The following PCDHGA2 variants were observed in gnomAD, a reference collection of about 807,000 sequenced individuals.
The protein encoded by PCDHGA2 is protocadherin gamma-A2.
In PCDHGA2, 40 loss-of-function variants were observed where a neutral mutation model predicts 59.2. The observed-to-expected ratio is 0.68, with a 90% confidence interval of 0.52 to 0.88. The LOEUF (loss-of-function observed/expected upper bound fraction) is 0.88. Ranked by LOEUF, PCDHGA2 falls within the 40% of genes least tolerant of loss-of-function variation. The pLI is 0.00. For missense variants in PCDHGA2, 1,226 were observed against 1,204.0 expected (o/e 1.02, Z -0.27); for synonymous variants, 560 against 526.0 (o/e 1.06, Z -0.89).
At chr5:141,344,305 A>G in intron 1 of PCDHGA2, 1 of 1,614,066 alleles carries the variant, frequency 6.2e-7, no homozygotes, top group Non-Finnish European at 8.5e-7. Flanking sequence ...GAGAGGATAG[A>G]CCGGGAGGAG....
chr5:141,466,415 C>T (rs995296505), intron 1 of PCDHGA2, among the ~76,000 whole-genome samples: 6 of 152,136 alleles, frequency 3.9e-5, no homozygotes, highest in Non-Finnish European at 8.8e-5. Context: ...ATTTTTCAGT[C>T]AGAATTGTGT....
intron 1 of PCDHGA2, among the ~76,000 whole-genome samples, chr5:141,439,259 G>A (rs1172204848): frequency 6.6e-6 from 1 of 151,900 alleles, no homozygotes; most frequent in African/African-American, 2.4e-5. Context: ...TGAAGATTCA[G>A]CCAACAGTTC....
At chr5:141,370,989 C>A in intron 1 of PCDHGA2, 2 of 1,613,982 alleles carry the variant, frequency 1.2e-6, no homozygotes, top group East Asian at 2.2e-5. Flanking sequence ...ACTGAAAGCA[C>A]CCCTGGACAG....
chr5:141,485,887 C>T lies in PCDHGA2; in HGVS notation c.2425-8920C>T. 1 of 1,614,098 alleles carries T rather than the reference C, an allele frequency of 6.2e-7. No homozygotes were observed. On this transcript the variant is annotated intron_variant, in intron 1 of 3. Transcript: ENST00000394576. The surrounding 1 kb of genome is among the most constrained non-coding windows in gnomAD (Gnocchi z 5.7). ...TATCCGTGCTGGACGTAAACGACAA[C>T]GCCCCAGCCTTCCAGCAATCCAGCT...
At chr5:141,437,887 G>A (rs1289693561) in intron 1 of PCDHGA2, among the ~76,000 whole-genome samples, 12 of 151,946 alleles carry the variant, frequency 7.9e-5, no homozygotes, top group Admixed American at 3.3e-4. Flanking sequence ...ACAGGCACAC[G>A]CCACCACACC....
At chr5:141,394,855 C>A in intron 1 of PCDHGA2, 1 of 1,613,778 alleles carries the variant, frequency 6.2e-7, no homozygotes, top group Non-Finnish European at 8.5e-7. Flanking sequence ...CTGAAGCCTT[C>A]GGTCGACCCG....
rs1410419839 is a variant in PCDHGA2 at position 141,429,391 on chromosome 5, A to ATTTT, written c.2425-65416_2425-65415insTTTT. Among the ~76,000 whole-genome samples, 380 of 151,312 alleles carry ATTTT rather than the reference A, an allele frequency of 2.5e-3. 1 individual carries two copies. The highest frequency in any genetic ancestry group is 4.2e-3 in the South Asian group (20 of 4,768). On this transcript the variant is annotated intron_variant, in intron 1 of 3. Coordinates refer to ENST00000394576, the MANE Select transcript of PCDHGA2 (RefSeq NM_018915.4). The stretch of plus-strand genomic sequence containing the variant: ...GGAGAAAATGTGTTTTTTTTTTAAA[A>ATTTT]AAAATTGAGATTAAGGTCTCATTAT...
intron 1 of PCDHGA2, chr5:141,417,227 T>G (rs2096097098): frequency 6.6e-6 from 1 of 152,172 alleles, no homozygotes; most frequent in South Asian, 2.1e-4. Flanking sequence ...ACAAAAAAAT[T>G]TGTTGCTTAT....
chr5:141,404,725 G>T, intron 1 of PCDHGA2: 1 of 1,614,098 alleles, frequency 6.2e-7, no homozygotes. Flanking sequence ...TGACCAAGGT[G>T]GTGGCAGTGG....
In PCDHGA2 at chr5:141,340,264, C is replaced by T. The variant is rs151082079; in HGVS notation, c.1293C>T (p.Ser431=). Residue 431 remains serine, a synonymous_variant, in exon 1 of 4, where the codon TCC becomes TCT. Transcript: ENST00000394576. ...TLTAKDGGNP[S]LSTDAHILLQ... ...CCGCTAAAGATGGAGGGAACCCCTC[C>T]CTGTCCACGGATGCTCACATTTTGC... The T allele has an allele frequency of 1.9e-6, 3 of 1,614,074 alleles. No homozygotes were observed. Among genetic ancestry groups the T allele is most frequent in the Non-Finnish European group, 1.7e-6 (2 of 1,180,050 alleles).
Position 141,431,585 on chromosome 5 carries a change from G to A in PCDHGA2, c.2425-63222G>A. 6.2e-7 allele frequency: 1 copy of A among 1,614,204 alleles called. No individual in the cohort carries two copies. The highest frequency in any genetic ancestry group is 1.6e-4 in the Middle Eastern group (1 of 6,062). On this transcript the variant is annotated intron_variant, in intron 1 of 3. Transcript: ENST00000394576. This position sits in a 1 kb window ranked among gnomAD's most constrained non-coding sequence, Gnocchi z 4.8. ...CGACCCTGACGAAGGAGTCAATGCG[G>A]AAGTGAGGTATTCCTTCCGGTATGT...
chr5:141,474,970 A>G (rs1309289477), intron 1 of PCDHGA2, among the ~76,000 whole-genome samples: 4 of 152,212 alleles, frequency 2.6e-5, no homozygotes, highest in African/African-American at 9.6e-5. Context: ...TAATCATTAT[A>G]ATTTTGTTTG....
Position 141,410,369 on chromosome 5 carries a change from A to T in PCDHGA2, c.2424+68974A>T, listed in dbSNP as rs754541017. Reference sequence around the variant, plus strand: ...CCTGCGACGCTCTCTCAGCCCTGCTACTTGGGACTGCTTCCATCCTGGTCT... The same window carrying T: ...CCTGCGACGCTCTCTCAGCCCTGCTTCTTGGGACTGCTTCCATCCTGGTCT... On this transcript the variant is annotated intron_variant, in intron 1 of 3. Coordinates refer to ENST00000394576, the MANE Select transcript of PCDHGA2 (RefSeq NM_018915.4). The T allele has an allele frequency of 5.6e-6, 9 of 1,613,836 alleles. No homozygotes were observed. The African/African-American group carries it at 1.2e-4, about 22-fold the overall frequency.
rs372326132 is a variant in PCDHGA2 at position 141,486,185 on chromosome 5, G to A, written c.2425-8622G>A. On this transcript the variant is annotated intron_variant, in intron 1 of 3. Coordinates refer to ENST00000394576, the MANE Select transcript of PCDHGA2 (RefSeq NM_018915.4). The surrounding 1 kb of genome is among the most constrained non-coding windows in gnomAD (Gnocchi z 5.0). ...CATGGAGCAACATTGCAGCCTTCGAGTGGATCTGCTGGACGTAAATGACAA... is the reference window on the plus strand; with the variant it reads ...CATGGAGCAACATTGCAGCCTTCGAATGGATCTGCTGGACGTAAATGACAA... 42 of 1,614,108 alleles carry A rather than the reference G, an allele frequency of 2.6e-5. No homozygotes were observed. The highest frequency in any genetic ancestry group is 3.4e-5 in the Non-Finnish European group (40 of 1,180,048).
At chr5:141,484,315 C>T (rs1172379949) in intron 1 of PCDHGA2, among the ~76,000 whole-genome samples, 2 of 152,326 alleles carry the variant, frequency 1.3e-5, no homozygotes, top group African/African-American at 4.8e-5. Context: ...ACCCCGCTTC[C>T]ATACTGTCCT....
At chr5:141,352,497 A>T in intron 1 of PCDHGA2, 2 of 1,614,028 alleles carry the variant, frequency 1.2e-6, no homozygotes, top group Non-Finnish European at 1.7e-6. Context: ...ACTTTGCCCT[A>T]TTCCTACAAT....
intron 1 of PCDHGA2, chr5:141,421,286 T>G: frequency 6.2e-7 from 1 of 1,613,284 alleles, no homozygotes; most frequent in Non-Finnish European, 8.5e-7. Flanking sequence ...CTGTGCATTT[T>G]CCTGGGGACG....
Position 141,381,442 on chromosome 5 carries a change from A to AC in PCDHGA2, c.2424+40048dup, listed in dbSNP as rs551572598. 7.9e-5 allele frequency among the ~76,000 whole-genome samples: 12 copies of AC among 152,360 alleles called. No individual in the cohort carries two copies. In the South Asian group the frequency reaches 2.5e-3, roughly 32 times the overall value. The stretch of plus-strand genomic sequence containing the variant: ...GAGTACCTCTAAGGATCCTGTCAGG[A>AC]CAGTCCTGCATTTTGCTCAAATGCT... On this transcript the variant is annotated intron_variant, in intron 1 of 3. Transcript: ENST00000394576.
intron 1 of PCDHGA2, among the ~76,000 whole-genome samples, chr5:141,472,313 A>G (rs1411876003): frequency 6.7e-6 from 1 of 150,164 alleles, no homozygotes; most frequent in East Asian, 2.0e-4. Context: ...AAGCCGAGGC[A>G]GGCAGATCAC....
Sources: allele counts gnomAD v4.1 joint callset (sites outside exome capture counted in the v4.1 genomes callset), GRCh38; gene constraint gnomAD v4.1.1; non-coding constraint Gnocchi (gnomAD v3.1); transcripts MANE v1.5; gene names NCBI Gene and HGNC (gene_info 2026-07-23, HGNC 2026-07-21).